The following TBX20 variants were observed in gnomAD, a reference collection of about 807,000 sequenced individuals.
The protein encoded by TBX20 is T-box transcription factor TBX20.
A neutral mutation model predicts 42.9 loss-of-function variants in TBX20; 8 were observed. The ratio of observed to expected loss-of-function variants is 0.19; its 90% CI spans 0.11 to 0.34. TBX20 has a LOEUF of 0.34. Ranked by LOEUF, TBX20 falls within the 10% of genes least tolerant of loss-of-function variation. The pLI, the probability that TBX20 is intolerant of heterozygous loss-of-function variation, is 1.00. For synonymous variants in TBX20, 198 were observed against 222.8 expected, an observed-to-expected ratio of 0.89 and a Z score of 0.99; for missense variants, 411 against 566.0, an observed-to-expected ratio of 0.73 and a Z score of 2.78.
chr7:35,246,209 T>C (rs6959445), intron 3 of TBX20, among the ~76,000 whole-genome samples: 55,447 of 151,974 alleles, frequency 0.36, 10,466 homozygotes, highest in Admixed American at 0.46. Flanking sequence ...ACAAAAAAGG[T>C]TGACAGCACC....
At chr7:35,204,694 C>A in intron 6 of TBX20, 112 bp from the exon 7 acceptor site, 1 of 742,278 alleles carries the variant, frequency 1.3e-6, no homozygotes, top group Non-Finnish European at 2.4e-6. Flanking sequence ...AGCCAAAAAG[C>A]AACCACTGCA....
intron 6 of TBX20, among the ~76,000 whole-genome samples, chr7:35,228,003 G>A (rs929723863): frequency 6.6e-6 from 1 of 151,886 alleles, no homozygotes; most frequent in Non-Finnish European, 1.5e-5. Flanking sequence ...AACCTCCATT[G>A]CATGATTATG....
chr7:35,246,824 G>C (rs1790197505), intron 3 of TBX20, among the ~76,000 whole-genome samples: 1 of 151,932 alleles, frequency 6.6e-6, no homozygotes, highest in Non-Finnish European at 1.5e-5. Flanking sequence ...ATAAAGAATA[G>C]TTGCTAAATT....
intron 6 of TBX20, among the ~76,000 whole-genome samples, chr7:35,214,277 C>T (rs11978004): frequency 1.9e-4 from 29 of 152,154 alleles, no homozygotes; most frequent in South Asian, 6.2e-4. Flanking sequence ...ATGCTAAAGT[C>T]GGTGGAGAAA....
intron 4 of TBX20, 72 bp from the exon 5 acceptor site, chr7:35,241,109 C>T: frequency 7.5e-7 from 1 of 1,340,796 alleles, no homozygotes; most frequent in Non-Finnish European, 1.1e-6. Context: ...TACAGTGAGG[C>T]AAGAAAGAAC....
chr7:35,203,746 T>C (rs1412488461), intron 7 of TBX20, among the ~76,000 whole-genome samples: 3 of 152,228 alleles, frequency 2.0e-5, no homozygotes, highest in African/African-American at 7.2e-5. Flanking sequence ...GAGTCAACTG[T>C]AATACTAGTG....
intron 6 of TBX20, among the ~76,000 whole-genome samples, chr7:35,218,193 A>G (rs1789622439): frequency 6.6e-6 from 1 of 152,242 alleles, no homozygotes; most frequent in Non-Finnish European, 1.5e-5. Context: ...CATAAAGTAA[A>G]GAACTTCTAT....
intron 3 of TBX20, among the ~76,000 whole-genome samples, chr7:35,248,125 G>A (rs1377298198): frequency 6.6e-6 from 1 of 152,092 alleles, no homozygotes; most frequent in Non-Finnish European, 1.5e-5. Context: ...ATTATAAAGG[G>A]AGAAAATAAG....
intron 6 of TBX20, among the ~76,000 whole-genome samples, chr7:35,214,734 A>G (rs1026268654): frequency 2.0e-5 from 3 of 152,212 alleles, no homozygotes; most frequent in African/African-American, 7.2e-5. Flanking sequence ...AACAACAACT[A>G]TAACATACAT....
chr7:35,253,678 C>T lies in TBX20; in HGVS notation c.-58G>A. ...GGTCGTCCGAACTGCCGTCCAGATT[C>T]CCCAAGGGAGACAAAGACCCGAAAC... is the stretch of plus-strand genomic sequence containing the variant. On this transcript the variant is annotated 5_prime_UTR_variant, in exon 1 of 8. Coordinates refer to ENST00000408931, the MANE Select transcript of TBX20 (RefSeq NM_001077653.2). 1 of 1,585,248 alleles carries T rather than the reference C, an allele frequency of 6.3e-7. No individual in the cohort carries two copies. Among genetic ancestry groups the T allele is most frequent in the South Asian group, 1.1e-5 (1 of 89,048 alleles).
intron 7 of TBX20, among the ~76,000 whole-genome samples, chr7:35,203,376 C>T: frequency 6.6e-6 from 1 of 152,190 alleles, no homozygotes; most frequent in Admixed American, 6.5e-5. Context: ...ACTTTCACCT[C>T]CTCCACCTCT....
intron 3 of TBX20, among the ~76,000 whole-genome samples, chr7:35,247,090 T>A (rs1261402421): frequency 1.5e-5 from 2 of 137,026 alleles, no homozygotes; most frequent in African/African-American, 2.8e-5. Flanking sequence ...CTGCATCAGC[T>A]CCCCATACCT....
rs1044711522 is a variant in TBX20 at position 35,249,633 on chromosome 7, C to T, written c.380+318G>A. On this transcript the variant is annotated intron_variant, in intron 2 of 7. Transcript: ENST00000408931. The surrounding 1 kb of genome is among the most constrained non-coding windows in gnomAD (Gnocchi z 4.3). ...ACAAATTCCTCCTCCTTCCAGATCC[C>T]GACCCTCCACCCGCCAAACCTTCTC... 2.0e-5 allele frequency among the ~76,000 whole-genome samples: 3 copies of T among 152,184 alleles called. No individual in the cohort carries two copies. The highest frequency in any genetic ancestry group is 1.3e-4 in the Admixed American group (2 of 15,284).
At chr7:35,224,070 A>G (rs1357795728) in intron 6 of TBX20, among the ~76,000 whole-genome samples, 1 of 152,250 alleles carries the variant, frequency 6.6e-6, no homozygotes. Flanking sequence ...TATTTGACCA[A>G]CAAACAATGG....
At position 35,208,572 on chromosome 7, in the gene TBX20, G is replaced by A. The variant is rs1424070435; in HGVS notation, c.891-3990C>T. ...AGCCTGACCAACATGGAGAAACCCC[G>A]TCTCTACTAAAAATACAAAATCAGC... On this transcript the variant is annotated intron_variant, in intron 6 of 7. Coordinates refer to ENST00000408931, the MANE Select transcript of TBX20 (RefSeq NM_001077653.2). Among the ~76,000 whole-genome samples, 6 of 151,546 alleles carry A rather than the reference G, an allele frequency of 4.0e-5. No homozygotes were observed. In the South Asian group the frequency reaches 8.4e-4, roughly 21 times the overall value.
intron 3 of TBX20, among the ~76,000 whole-genome samples, chr7:35,245,319 G>GGGGTGTGTGTGTGTGT (rs1554287407): frequency 2.0e-5 from 3 of 146,498 alleles, no homozygotes; most frequent in South Asian, 2.2e-4. Flanking sequence ...TGTTTAAAGG[G>GGGGTGTGTGTGTGTGT]GTGTGTGTGT....
Position 35,245,002 on chromosome 7 carries a change from C to G in TBX20, c.601G>C (p.Val201Leu). The G allele has an allele frequency of 2.5e-6, 4 of 1,613,866 alleles. No individual in the cohort carries two copies. The highest frequency in any genetic ancestry group is 3.4e-6 in the Non-Finnish European group (4 of 1,179,826). Residue 201 changes from valine to leucine, a missense_variant, in exon 4 of 8, where the codon GTG becomes CTG. Val to Leu is a conservative substitution (Grantham distance 32). Coordinates refer to ENST00000408931, the MANE Select transcript of TBX20 (RefSeq NM_001077653.2). ...FTGEQLLKQM[V>L]SFEKVKLTNN... ...GTGAGTTTCACCTTTTCAAAAGACACCATCTGTTTGAGTAGTTGCTCACCG... is the reference window on the plus strand; with the variant it reads ...GTGAGTTTCACCTTTTCAAAAGACAGCATCTGTTTGAGTAGTTGCTCACCG...
intron 5 of TBX20, among the ~76,000 whole-genome samples, chr7:35,232,231 T>C (rs1377788914): frequency 6.6e-6 from 1 of 152,216 alleles, no homozygotes; most frequent in Non-Finnish European, 1.5e-5. Flanking sequence ...ATAAACTCTA[T>C]GTTTTTATGG....
At chr7:35,221,426 C>G (rs549544537) in intron 6 of TBX20, among the ~76,000 whole-genome samples, 4 of 151,960 alleles carry the variant, frequency 2.6e-5, no homozygotes, top group South Asian at 2.1e-4. Flanking sequence ...TACAACTGAA[C>G]AGAGATACAA....
Sources: allele counts gnomAD v4.1 joint callset (sites outside exome capture counted in the v4.1 genomes callset), GRCh38; gene constraint gnomAD v4.1.1; non-coding constraint Gnocchi (gnomAD v3.1); transcripts MANE v1.5; gene names NCBI Gene and HGNC (gene_info 2026-07-23, HGNC 2026-07-21).